The following EYA4 variants were observed in gnomAD, a reference collection of about 807,000 sequenced individuals.
EYA4 encodes the protein EYA transcriptional coactivator and phosphatase 4.
A neutral mutation model predicts 87.9 loss-of-function variants in EYA4; 31 were observed. That is an observed-to-expected ratio of 0.35 (90% CI 0.27 to 0.48). EYA4 has a LOEUF of 0.48. Among genes scored for constraint, EYA4 ranks in the 20% least tolerant of loss-of-function variants. The pLI is 0.99. For missense variants in EYA4, 678 were observed against 761.4 expected, an observed-to-expected ratio of 0.89 and a Z score of 1.29; for synonymous variants, 263 against 270.6, an observed-to-expected ratio of 0.97 and a Z score of 0.28.
At chr6:133,516,023 C>A (rs1799567078) in intron 17 of EYA4, among the ~76,000 whole-genome samples, 1 of 152,170 alleles carries the variant, frequency 6.6e-6, no homozygotes, top group South Asian at 2.1e-4. Flanking sequence ...ACCAGTTGTA[C>A]AACCAGGTGC....
intron 2 of EYA4, among the ~76,000 whole-genome samples, chr6:133,312,667 T>G (rs1780319336): frequency 6.6e-6 from 1 of 152,170 alleles, no homozygotes; most frequent in African/African-American, 2.4e-5. Flanking sequence ...GGACTATCAT[T>G]TTGATATTCT....
chr6:133,248,428 G>A (rs946638872), intron 1 of EYA4: 2 of 152,120 alleles, frequency 1.3e-5, no homozygotes, highest in East Asian at 1.9e-4. Context: ...ACCACATACC[G>A]GGAGGGCTCA....
intron 3 of EYA4, among the ~76,000 whole-genome samples, chr6:133,421,905 T>A (rs1247535453): frequency 6.6e-6 from 1 of 152,210 alleles, no homozygotes; most frequent in East Asian, 1.9e-4. Flanking sequence ...AGTTCACTAT[T>A]CTCCATTATA....
rs1800324512 is a variant in EYA4, at chr6:133,523,062, C to T, written c.1623C>T (p.Asn541=). 1 of 1,611,004 alleles carries T rather than the reference C, an allele frequency of 6.2e-7. No homozygotes were observed. The highest frequency in any genetic ancestry group is 8.5e-7 in the Non-Finnish European group (1 of 1,177,596). ...TATTTCCTCCCTATTTTAGGAGTAA[C>T]TGCATAAATGTCTTGGTAACGACAA... is the stretch of plus-strand genomic sequence containing the variant. ...KSLSIISTRS[N]CINVLVTTTQ... Residue 541 remains asparagine (N), a synonymous_variant, in exon 18 of 20, where the codon AAC becomes AAT. Transcript: ENST00000355286.
chr6:133,272,092 A>G lies in EYA4; in HGVS notation c.-65-2624A>G, dbSNP rs114143455. On this transcript the variant is annotated intron_variant, in intron 1 of 19. Transcript: ENST00000355286. ...TCTCCTTCATGCAAAGTGCACAACG[A>G]GGTGCACTGCTCAAAGTTCTGCCAA... Among the ~76,000 whole-genome samples the G allele has an allele frequency of 5.4e-3, 818 of 152,328 alleles. 12 individuals are homozygous for G. The highest frequency in any genetic ancestry group is 0.018 in the African/African-American group (766 of 41,568).
intron 2 of EYA4, among the ~76,000 whole-genome samples, chr6:133,327,142 AT>A (rs781529981): frequency 2.4e-4 from 36 of 152,114 alleles, no homozygotes; most frequent in Non-Finnish European, 3.4e-4. Context: ...ATTTTATTTT[AT>A]TTTTATTTTT....
intron 1 of EYA4, among the ~76,000 whole-genome samples, chr6:133,249,896 A>C (rs1051538754): frequency 6.6e-6 from 1 of 152,236 alleles, no homozygotes; most frequent in African/African-American, 2.4e-5. Flanking sequence ...ATCCTGCTTT[A>C]AGCTGAGAAT....
intron 2 of EYA4, among the ~76,000 whole-genome samples, chr6:133,349,556 T>G (rs1783475591): frequency 6.6e-6 from 1 of 152,182 alleles, no homozygotes; most frequent in African/African-American, 2.4e-5. Flanking sequence ...GGCAAGTTAG[T>G]TTTGGTCTCT....
At chr6:133,380,934 CCTT>C (rs1238167485) in intron 2 of EYA4, among the ~76,000 whole-genome samples, 2 of 147,976 alleles carry the variant, frequency 1.4e-5, no homozygotes, top group East Asian at 4.0e-4. Flanking sequence ...TTTTCCTCCT[CCTT>C]TCTTCCTCTT....
At chr6:133,316,323 C>T (rs1297900189) in intron 2 of EYA4, among the ~76,000 whole-genome samples, 1 of 152,096 alleles carries the variant, frequency 6.6e-6, no homozygotes, top group African/African-American at 2.4e-5. Context: ...ACAATCCTCC[C>T]ACCGTGCATA....
chr6:133,410,869 A>G (rs1789162277), intron 3 of EYA4, among the ~76,000 whole-genome samples: 1 of 151,984 alleles, frequency 6.6e-6, no homozygotes, highest in South Asian at 2.1e-4. Flanking sequence ...GCATGGGGGA[A>G]GGGGAAGAGA....
At chr6:133,294,882 A>G (rs1205465500) in intron 2 of EYA4, among the ~76,000 whole-genome samples, 1 of 152,006 alleles carries the variant, frequency 6.6e-6, no homozygotes, top group Non-Finnish European at 1.5e-5. Flanking sequence ...CAGCCGGCCA[A>G]TTTCTTCTTA....
At chr6:133,426,026 C>A (rs1010728224) in intron 3 of EYA4, among the ~76,000 whole-genome samples, 1 of 151,108 alleles carries the variant, frequency 6.6e-6, no homozygotes, top group East Asian at 2.0e-4. Flanking sequence ...ACCTGTCCAT[C>A]CATCTTCTGG....
chr6:133,448,018 A>G (rs187769511), intron 4 of EYA4, 93 bp from the exon 5 acceptor site: 9 of 976,312 alleles, frequency 9.2e-6, no homozygotes, highest in Non-Finnish European at 6.5e-6. Context: ...AATTTTGGCT[A>G]AAAGGTCAGA....
At chr6:133,432,505 A>G (rs1006907921) in intron 3 of EYA4, among the ~76,000 whole-genome samples, 1 of 139,888 alleles carries the variant, frequency 7.1e-6, no homozygotes, top group Non-Finnish European at 1.6e-5. Flanking sequence ...TTTTTTTTTC[A>G]TGGAGACTAT....
intron 13 of EYA4, among the ~76,000 whole-genome samples, chr6:133,493,742 G>C (rs1355937691): frequency 6.6e-6 from 1 of 151,978 alleles, no homozygotes; most frequent in African/African-American, 2.4e-5. Flanking sequence ...CAACTCAATA[G>C]GAAAATATTT....
At chr6:133,374,036 C>T (rs566805648) in intron 2 of EYA4, among the ~76,000 whole-genome samples, 4 of 151,968 alleles carry the variant, frequency 2.6e-5, no homozygotes, top group Non-Finnish European at 2.9e-5. Context: ...TTCATAAAGC[C>T]GATATGGCAT....
At chr6:133,340,515 C>A (rs1323442001) in intron 2 of EYA4, among the ~76,000 whole-genome samples, 1 of 152,118 alleles carries the variant, frequency 6.6e-6, no homozygotes, top group Admixed American at 6.6e-5. Flanking sequence ...AGGTGAGCCC[C>A]ATTGATAAGG....
At chr6:133,432,980 G>T (rs1381437385) in intron 3 of EYA4, among the ~76,000 whole-genome samples, 3 of 152,088 alleles carry the variant, frequency 2.0e-5, no homozygotes, top group Non-Finnish European at 2.9e-5. Context: ...CTTTTTCTAG[G>T]TGGTGGATCA....
Sources: allele counts gnomAD v4.1 joint callset (sites outside exome capture counted in the v4.1 genomes callset), GRCh38; gene constraint gnomAD v4.1.1; transcripts MANE v1.5; gene names NCBI Gene and HGNC (gene_info 2026-07-23, HGNC 2026-07-21).